Variants in SYT7 observed in about 807,000 individuals in gnomAD.
The protein encoded by SYT7 is synaptotagmin 7, also known as synaptotagmin-7.
A neutral mutation model predicts 75.1 loss-of-function variants in SYT7; 29 were observed. That is an observed-to-expected ratio of 0.39 (90% CI 0.29 to 0.53). SYT7 has a LOEUF of 0.53. SYT7 is among the 20% of genes least tolerant of loss of function. SYT7 has a pLI of 0.77. For missense variants in SYT7, 693 were observed against 953.2 expected (o/e 0.73, Z 3.59); for synonymous variants, 376 against 401.7 (o/e 0.94, Z 0.76).
intron 8 of SYT7, among the ~76,000 whole-genome samples, chr11:61,528,434 C>T (rs1467996061): frequency 6.6e-6 from 1 of 152,134 alleles, no homozygotes; most frequent in South Asian, 2.1e-4. Context: ...ACACTCACTT[C>T]CCAGGCTCTC....
chr11:61,531,141 GCTTAT>G (rs2062692292), intron 8 of SYT7: 1 of 984,992 alleles, frequency 1.0e-6, no homozygotes, highest in East Asian at 1.1e-4. Context: ...ATTCTGCCCT[GCTTAT>G]CTTATCATGG....
intron 7 of SYT7, among the ~76,000 whole-genome samples, chr11:61,534,828 C>T (rs962107600): frequency 2.0e-5 from 3 of 149,252 alleles, no homozygotes; most frequent in Non-Finnish European, 4.4e-5. Flanking sequence ...GACATGTGGA[C>T]ACGCACGCAC....
chr11:61,552,472 GCA>G (rs1006248748), intron 2 of SYT7, among the ~76,000 whole-genome samples: 1 of 137,444 alleles, frequency 7.3e-6, no homozygotes, highest in Non-Finnish European at 1.5e-5. Context: ...ACACACACAT[GCA>G]CACACACACA....
At chr11:61,522,947 G>A in intron 12 of SYT7, 128 bp downstream of exon 12, 2 of 908,582 alleles carry the variant, frequency 2.2e-6, no homozygotes, top group Non-Finnish European at 3.5e-6. Context: ...GGCCTGAGAG[G>A]AGAGGAGACT....
chr11:61,542,349 C>A lies in SYT7; in HGVS notation c.803G>T (p.Gly268Val). ...GGTGCCCTGCCGAGCCTGGCCCCGG[C>A]CATAGGCCCGGGGGTTGGGGCCTGG... ...SAPGPNPRAY[G>V]RGQARQGTSA... Residue 268 changes from glycine (G) to valine (V), a missense_variant, in exon 6 of 13, where the codon GGC (glycine) becomes GTC (valine). By Grantham distance (109) the Gly-to-Val change is moderately radical (BLOSUM62 -3). Transcript: ENST00000539008. The surrounding 1 kb of genome is among the most constrained non-coding windows in gnomAD (Gnocchi z 7.8). The A allele has an allele frequency of 3.9e-6, 6 of 1,530,500 alleles. No individual in the cohort carries two copies. Among genetic ancestry groups the A allele is most frequent in the Non-Finnish European group, 5.2e-6 (6 of 1,144,244 alleles). The allele number at this position is 1,530,500 out of a possible 1,614,324, so 94.8% of individuals were successfully genotyped here.
chr11:61,561,191 C>A (rs1011170389), intron 1 of SYT7, among the ~76,000 whole-genome samples: 2 of 152,186 alleles, frequency 1.3e-5, no homozygotes, highest in African/African-American at 4.8e-5. Context: ...TTGAGTGCCA[C>A]AACCTATCCT....
rs563168043 is a variant in SYT7 at position 61,574,870 on chromosome 11, T to C, written c.31+5920A>G. 3.3e-5 allele frequency among the ~76,000 whole-genome samples: 5 copies of C among 152,156 alleles called. No homozygotes were observed. In the East Asian group the frequency reaches 9.7e-4, roughly 30 times the overall value. On this transcript the variant is annotated intron_variant, in intron 1 of 12. Transcript: ENST00000539008. ...TACCCAGGGCCCCGCCGGGAGCAGCTGCCGCGGCAGGGTTTGAAGTAATTT... is the reference window on the plus strand; with the variant it reads ...TACCCAGGGCCCCGCCGGGAGCAGCCGCCGCGGCAGGGTTTGAAGTAATTT...
chr11:61,584,259 G>T (rs1047163714), upstream of SYT7, among the ~76,000 whole-genome samples: 1 of 151,896 alleles, frequency 6.6e-6, no homozygotes, highest in African/African-American at 2.4e-5. Flanking sequence ...GCCGGGCGTG[G>T]TGGCATGCGC....
At position 61,523,050 on chromosome 11, in the gene SYT7, A is replaced by G; in HGVS notation, c.1956+25T>C. The G allele has an allele frequency of 6.2e-7, 1 of 1,612,538 alleles. No individual in the cohort carries two copies. Among genetic ancestry groups the G allele is most frequent in the Non-Finnish European group, 8.5e-7 (1 of 1,179,032 alleles). ...GAGCCTCACTGGTGCCAGCAGGTGC[A>G]CCACACCACCTGCCTCGCCCCTACC... On this transcript the variant is annotated intron_variant, in intron 12 of 12. Transcript: ENST00000539008. This position sits in a 1 kb window ranked among gnomAD's most constrained non-coding sequence, Gnocchi z 5.0.
Position 61,538,275 on chromosome 11 carries a change from G to C in SYT7, c.942-9C>G, listed in dbSNP as rs757090284. 6.5e-7 allele frequency: 1 copy of C among 1,532,198 alleles called. No individual in the cohort carries two copies. Among genetic ancestry groups the C allele is most frequent in the Non-Finnish European group, 8.7e-7 (1 of 1,144,474 alleles). 94.9% of individuals were successfully genotyped at this position (1,532,198 alleles called of 1,614,324 possible). A position where few individuals can be genotyped will look rare whatever the true frequency, so the allele number is the denominator to read the frequency against. ...CCACCATCCGGCCTTCCCTGCCCGG[G>C]GAGGGCAGCCCACAGGCCAGGGTGA... On this transcript the variant is annotated splice_polypyrimidine_tract_variant and intron_variant, in intron 6 of 12. Coordinates refer to ENST00000539008, the MANE Select transcript of SYT7 (RefSeq NM_001365809.2).
intron 12 of SYT7, among the ~76,000 whole-genome samples, chr11:61,519,443 T>C (rs1156309063): frequency 6.6e-6 from 1 of 152,136 alleles, no homozygotes; most frequent in Non-Finnish European, 1.5e-5. Context: ...AACAGGTACA[T>C]GGGGCCTTCT....
intron 1 of SYT7, 31 bp from the exon 2 acceptor site, chr11:61,556,238 A>C: frequency 6.3e-7 from 1 of 1,581,888 alleles, no homozygotes; most frequent in Non-Finnish European, 8.6e-7. Flanking sequence ...TCACACCCTC[A>C]TTGGCCAGGG....
In SYT7 at chr11:61,518,573, G is replaced by A; in HGVS notation, c.*54C>T. On this transcript the variant is annotated 3_prime_UTR_variant, in exon 13 of 13. Transcript: ENST00000539008. The stretch of plus-strand genomic sequence containing the variant: ...GGCCGGGCGTTGTGCATAAAGTGGT[G>A]AGGGCATGATGGGGACCTGGGCCCT... The A allele has an allele frequency of 7.6e-7, 1 of 1,322,312 alleles. No homozygotes were observed. The highest frequency in any genetic ancestry group is 1.5e-5 in the African/African-American group (1 of 67,648). 81.9% of individuals were successfully genotyped at this position (1,322,312 alleles called of 1,614,324 possible). A position where few individuals can be genotyped will look rare whatever the true frequency, so the allele number is the denominator to read the frequency against.
chr11:61,544,591 G>A (rs2063133761), intron 5 of SYT7, among the ~76,000 whole-genome samples: 1 of 152,176 alleles, frequency 6.6e-6, no homozygotes, highest in South Asian at 2.1e-4. Context: ...ATTGGCAGCT[G>A]CCTCCTCCCC....
intron 1 of SYT7, among the ~76,000 whole-genome samples, chr11:61,575,781 G>A (rs954190068): frequency 6.6e-6 from 1 of 152,172 alleles, no homozygotes; most frequent in African/African-American, 2.4e-5. Context: ...ATTAGCTGCT[G>A]TTTACAGCGG....
At position 61,513,875 on chromosome 11, in the gene SYT7, A is replaced by G. The variant is rs1057498144; in HGVS notation, c.*4752T>C. On this transcript the variant is annotated 3_prime_UTR_variant, in exon 13 of 13. Transcript: ENST00000539008. The stretch of plus-strand genomic sequence containing the variant: ...AGCGGGGCGTCTTCACGGGAAACAG[A>G]TGGTCTGGGGAGCCACGAGCTGGGG... Among the ~76,000 whole-genome samples, 1 of 152,142 alleles carries G rather than the reference A, an allele frequency of 6.6e-6. No individual in the cohort carries two copies. Among genetic ancestry groups the G allele is most frequent in the Non-Finnish European group, 1.5e-5 (1 of 68,024 alleles).
intron 1 of SYT7, among the ~76,000 whole-genome samples, chr11:61,577,823 G>A (rs2064125811): frequency 6.6e-6 from 1 of 152,182 alleles, no homozygotes; most frequent in Non-Finnish European, 1.5e-5. Context: ...CTGTCCCAGT[G>A]GTTCCCTCTC....
intron 1 of SYT7, among the ~76,000 whole-genome samples, chr11:61,562,347 C>A (rs1223181465): frequency 2.6e-5 from 4 of 152,284 alleles, no homozygotes; most frequent in South Asian, 4.1e-4. Context: ...AGCCATGTAA[C>A]CTAATCTCTG....
rs540646612 is a variant in SYT7, at chr11:61,530,332, C to T, written c.1201-2147G>A. ...TTCCCTCCAGCCCCCACCCCTTGGC[C>T]GATCCAGACAAACCTGCAAGCGCCA... On this transcript the variant is annotated intron_variant, in intron 8 of 12. Transcript: ENST00000539008. Among the ~76,000 whole-genome samples, 9 of 152,312 alleles carry T rather than the reference C, an allele frequency of 5.9e-5. No homozygotes were observed. In the East Asian group the frequency reaches 9.7e-4, roughly 16 times the overall value.
Sources: gnomAD v4.1 joint callset for allele counts (sites outside exome capture counted in the v4.1 genomes callset) on GRCh38, gnomAD v4.1.1 for gene constraint, Gnocchi (gnomAD v3.1) non-coding constraint, MANE v1.5 for transcripts, NCBI Gene and HGNC (gene_info 2026-07-23, HGNC 2026-07-21) for gene names.